The following KATNIP variants were observed in gnomAD, a reference collection of about 807,000 sequenced individuals.
KATNIP encodes katanin interacting protein.
A neutral mutation model predicts 174.0 loss-of-function variants in KATNIP; 126 were observed. The ratio of observed to expected loss-of-function variants is 0.72; its 90% CI spans 0.63 to 0.84. The LOEUF (loss-of-function observed/expected upper bound fraction) is 0.84, where lower values mean the gene tolerates loss of function less well. Among genes scored for constraint, KATNIP ranks in the 40% least tolerant of loss-of-function variants. The pLI, the probability that KATNIP is intolerant of heterozygous loss-of-function variation, is 0.00. For missense variants in KATNIP, 1,958 were observed against 2,109.7 expected (o/e 0.93, Z 1.41); for synonymous variants, 810 against 835.7 (o/e 0.97, Z 0.53).
chr16:27,583,218 ATC>A (rs2090763875), intron 2 of KATNIP, among the ~76,000 whole-genome samples: 1 of 152,158 alleles, frequency 6.6e-6, no homozygotes, highest in Admixed American at 6.5e-5. Context: ...TCTAGGAAAA[ATC>A]CCATCAGAGA....
At chr16:27,564,867 G>A (rs1342253412) in intron 1 of KATNIP, among the ~76,000 whole-genome samples, 4 of 151,892 alleles carry the variant, frequency 2.6e-5, no homozygotes, top group African/African-American at 9.7e-5. Context: ...GGGTTCAAGC[G>A]ATTCTCCTGC....
At chr16:27,717,522 T>G (rs1352298266) in intron 13 of KATNIP, among the ~76,000 whole-genome samples, 1 of 152,144 alleles carries the variant, frequency 6.6e-6, no homozygotes, top group Non-Finnish European at 1.5e-5. Flanking sequence ...AAACATTACC[T>G]GTTTGCCTTC....
chr16:27,706,186 C>T (rs909337027), intron 12 of KATNIP, among the ~76,000 whole-genome samples: 1 of 149,892 alleles, frequency 6.7e-6, no homozygotes, highest in Non-Finnish European at 1.5e-5. Context: ...ATCTCTGCTC[C>T]CTCCTCATGG....
chr16:27,775,047 G>T lies in KATNIP; in HGVS notation c.4412G>T (p.Gly1471Val). The change falls in exon 24 of 28, where the codon GGC (glycine) becomes GTC (valine). Residue 1471 changes from glycine (G) to valine (V), a missense_variant. By Grantham distance (109) the Gly-to-Val change is moderately radical. Coordinates refer to ENST00000261588, the MANE Select transcript of KATNIP (RefSeq NM_015202.5). ...GACCAAGTGAACGACACCAGTGATG[G>T]CCGGCACATGTGGCTGGCTCCCATC... is the stretch of plus-strand genomic sequence containing the variant. ...LIDQVNDTSDGRHMWLAPILP... is the reference protein window; with the variant it reads ...LIDQVNDTSDVRHMWLAPILP... The T allele has an allele frequency of 6.2e-7, 1 of 1,613,168 alleles. No homozygotes were observed. Among genetic ancestry groups the T allele is most frequent in the Non-Finnish European group, 8.5e-7 (1 of 1,179,786 alleles).
intron 8 of KATNIP, among the ~76,000 whole-genome samples, chr16:27,685,646 A>G (rs2078494620): frequency 6.6e-6 from 1 of 152,236 alleles, no homozygotes; most frequent in Admixed American, 6.5e-5. Context: ...CAGTACTCCT[A>G]AAGAGGACAC....
chr16:27,622,422 A>G (rs2076223177), intron 3 of KATNIP, among the ~76,000 whole-genome samples: 1 of 152,146 alleles, frequency 6.6e-6, no homozygotes, highest in Non-Finnish European at 1.5e-5. Flanking sequence ...TTGTCACTCA[A>G]CCTCATGAAA....
intron 8 of KATNIP, among the ~76,000 whole-genome samples, chr16:27,689,007 C>A (rs1006413690): frequency 3.3e-5 from 5 of 152,134 alleles, no homozygotes; most frequent in Admixed American, 3.3e-4. Context: ...TCATAGCCAC[C>A]CAAAAGGCTG....
chr16:27,662,672 A>C (rs2077563948), intron 6 of KATNIP, among the ~76,000 whole-genome samples: 1 of 152,234 alleles, frequency 6.6e-6, no homozygotes. Context: ...TGCCAGATGA[A>C]TTGAACTTAA....
intron 3 of KATNIP, among the ~76,000 whole-genome samples, chr16:27,620,396 C>T (rs1273287065): frequency 6.6e-6 from 1 of 152,222 alleles, no homozygotes; most frequent in East Asian, 1.9e-4. Flanking sequence ...TGTCTGCACA[C>T]TACCCAATGG....
At chr16:27,675,657 C>A (rs2078087313) in intron 6 of KATNIP, among the ~76,000 whole-genome samples, 1 of 152,174 alleles carries the variant, frequency 6.6e-6, no homozygotes, top group Non-Finnish European at 1.5e-5. Flanking sequence ...AGCCAATTTC[C>A]TGCCTGTAGA....
At chr16:27,743,934 T>A (rs1383403728) in intron 15 of KATNIP, among the ~76,000 whole-genome samples, 1 of 152,120 alleles carries the variant, frequency 6.6e-6, no homozygotes, top group Non-Finnish European at 1.5e-5. Flanking sequence ...TCCAAGGCAA[T>A]GGTGTTACTC....
chr16:27,608,504 C>T (rs2075788632), intron 2 of KATNIP, among the ~76,000 whole-genome samples: 2 of 147,520 alleles, frequency 1.4e-5, no homozygotes, highest in African/African-American at 2.5e-5. Flanking sequence ...GTCTACAGTG[C>T]CTAACTCTTG....
At chr16:27,678,750 G>A (rs558185550) in intron 7 of KATNIP, among the ~76,000 whole-genome samples, 17 of 152,308 alleles carry the variant, frequency 1.1e-4, no homozygotes, top group South Asian at 1.0e-3. Flanking sequence ...CCAGCCACAC[G>A]ATAGTGCGGT....
rs776297868 is a variant in KATNIP, at chr16:27,550,182, GTGTC to G, written c.7+9_7+12del. 3.2e-5 allele frequency: 52 copies of G among 1,610,992 alleles called. No homozygotes were observed. The South Asian group carries it at 5.7e-4, about 18-fold the overall frequency. On this transcript the variant is annotated splice_donor_region_variant and intron_variant, in intron 1 of 27. Coordinates refer to ENST00000261588, the MANE Select transcript of KATNIP (RefSeq NM_015202.5). Reference sequence around the variant, plus strand: ...CGCCGCCTCTAGGGATGGACGGTGAGTGTCTGTGGGCCCCTCCGGGAGGTCGGGC... The same window carrying G: ...CGCCGCCTCTAGGGATGGACGGTGAGTGTGGGCCCCTCCGGGAGGTCGGGC...
At chr16:27,638,369 G>C (rs1461799207) in intron 5 of KATNIP, among the ~76,000 whole-genome samples, 1 of 152,198 alleles carries the variant, frequency 6.6e-6, no homozygotes, top group Non-Finnish European at 1.5e-5. Flanking sequence ...GGATTGGTTT[G>C]CTCTGGCTCC....
At chr16:27,600,316 T>G (rs2075474967) in intron 2 of KATNIP, among the ~76,000 whole-genome samples, 1 of 152,246 alleles carries the variant, frequency 6.6e-6, no homozygotes, top group South Asian at 2.1e-4. Flanking sequence ...TTGTCTCACA[T>G]GGCAAAATCT....
chr16:27,608,615 T>C (rs1216168721), intron 2 of KATNIP, among the ~76,000 whole-genome samples: 2 of 151,850 alleles, frequency 1.3e-5, no homozygotes, highest in African/African-American at 4.8e-5. Context: ...GCTCCTGGGC[T>C]CAAGCTATCC....
chr16:27,773,202 G>A lies in KATNIP; in HGVS notation c.4302G>A (p.Ser1434=), dbSNP rs201399738. The change falls in exon 23 of 28, where the codon TCG becomes TCA. Residue 1434 remains serine, a synonymous_variant. Transcript: ENST00000261588. ...AGCGAGGAGAAAAAATCCCCTTGTCGGAAAACAGTATCCTTTGTAGGACAG... is the reference window on the plus strand; with the variant it reads ...AGCGAGGAGAAAAAATCCCCTTGTCAGAAAACAGTATCCTTTGTAGGACAG... ...YDERGEKIPL[S]ENNIAAFPDS... is the part of the protein sequence containing the mutation. 386 of 1,604,844 alleles carry A rather than the reference G, an allele frequency of 2.4e-4. No homozygotes were observed. Among genetic ancestry groups the A allele is most frequent in the Non-Finnish European group, 3.1e-4 (365 of 1,174,070 alleles).
At chr16:27,605,317 TGA>T (rs1475248406) in intron 2 of KATNIP, among the ~76,000 whole-genome samples, 1 of 152,236 alleles carries the variant, frequency 6.6e-6, no homozygotes, top group Non-Finnish European at 1.5e-5. Flanking sequence ...AAAATTTTTC[TGA>T]GAATAAAAAG....
Sources: allele counts gnomAD v4.1 joint callset (sites outside exome capture counted in the v4.1 genomes callset), GRCh38; gene constraint gnomAD v4.1.1; transcripts MANE v1.5; gene names NCBI Gene and HGNC (gene_info 2026-07-23, HGNC 2026-07-21).